GREM2: variants seen among roughly 807,000 people sequenced by gnomAD.
GREM2 encodes gremlin-2.
GREM2 carries 11 observed loss-of-function variants against 14.2 expected under a neutral mutation model. The ratio of observed to expected loss-of-function variants is 0.78; its 90% CI spans 0.49 to 1.28. The LOEUF is 1.28. Among genes scored for constraint, GREM2 ranks in the 50% most tolerant of loss-of-function variants. GREM2 has a pLI of 0.00. For missense variants in GREM2, 210 were observed against 218.5 expected (o/e 0.96, Z 0.24); for synonymous variants, 98 against 97.6 (o/e 1.00, Z -0.02).
chr1:240,594,143 C>T (rs1241946571), intron 1 of GREM2, among the ~76,000 whole-genome samples: 1 of 151,862 alleles, frequency 6.6e-6, no homozygotes, highest in African/African-American at 2.4e-5. Flanking sequence ...TTGTAGAGAT[C>T]GGGTCTTGCC....
At chr1:240,608,068 C>T (rs1172095361) in intron 1 of GREM2, among the ~76,000 whole-genome samples, 1 of 152,100 alleles carries the variant, frequency 6.6e-6, no homozygotes, top group Admixed American at 6.5e-5. Flanking sequence ...TGAATGCATG[C>T]CTGTAGGACT....
chr1:240,560,533 A>G (rs184250797), intron 1 of GREM2, among the ~76,000 whole-genome samples: 4 of 152,208 alleles, frequency 2.6e-5, no homozygotes, highest in African/African-American at 9.6e-5. Flanking sequence ...AACTGAATGA[A>G]GAGGACAGTT....
chr1:240,490,734 T>G lies in GREM2; in HGVS notation c.*2235A>C, dbSNP rs1384390343. ...GGTTCGAAGAGAGTGTGCTCGTGTT[T>G]GCATTCTGTAAGTTCTTAGCTTAAT... On this transcript the variant is annotated 3_prime_UTR_variant, in exon 2 of 2. Coordinates refer to ENST00000318160, the MANE Select transcript of GREM2 (RefSeq NM_022469.4). The G allele has an allele frequency of 6.6e-6, 1 of 152,228 alleles. No individual in the cohort carries two copies. Among genetic ancestry groups the G allele is most frequent in the Non-Finnish European group, 1.5e-5 (1 of 68,048 alleles). The allele number at this position is 152,228 out of a possible 1,614,324, so 9.4% of individuals were successfully genotyped here. A position where few individuals can be genotyped will look rare whatever the true frequency, so the allele number is the denominator to read the frequency against.
In GREM2 at chr1:240,540,093, C is replaced by A. The variant is rs1439794571; in HGVS notation, c.-1-46617G>T. On this transcript the variant is annotated intron_variant, in intron 1 of 1. Coordinates refer to ENST00000318160, the MANE Select transcript of GREM2 (RefSeq NM_022469.4). The surrounding 1 kb of genome is among the most constrained non-coding windows in gnomAD (Gnocchi z 4.2). ...CTGACAGCCACTCTGTTCCTATACC[C>A]CTGACTAAATTGCAGTTATGTCTTT... is the stretch of plus-strand genomic sequence containing the variant. Among the ~76,000 whole-genome samples the A allele has an allele frequency of 6.6e-6, 1 of 152,124 alleles. No homozygotes were observed. Among genetic ancestry groups the A allele is most frequent in the Admixed American group, 6.6e-5 (1 of 15,266 alleles).
chr1:240,602,800 C>T (rs547453041), intron 1 of GREM2, among the ~76,000 whole-genome samples: 15 of 136,676 alleles, frequency 1.1e-4, no homozygotes, highest in African/African-American at 3.1e-4. Context: ...GGTGACAGAG[C>T]GAGACTGATC....
At chr1:240,549,989 G>C (rs918598688) in intron 1 of GREM2, 1 of 152,148 alleles carries the variant, frequency 6.6e-6, no homozygotes, top group African/African-American at 2.4e-5. Flanking sequence ...TTTATTCGAG[G>C]GAATGCCATG....
chr1:240,574,386 G>C (rs970963978), intron 1 of GREM2, among the ~76,000 whole-genome samples: 1 of 152,042 alleles, frequency 6.6e-6, no homozygotes, highest in Admixed American at 6.5e-5. Flanking sequence ...CTTCTCTCAC[G>C]TGGCACATGT....
chr1:240,604,787 T>A (rs1410275185), intron 1 of GREM2, among the ~76,000 whole-genome samples: 1 of 152,158 alleles, frequency 6.6e-6, no homozygotes, highest in Non-Finnish European at 1.5e-5. Context: ...GTGAGACCCA[T>A]CTCTTTGTAA....
At chr1:240,544,640 C>CT (rs1404341675) in intron 1 of GREM2, among the ~76,000 whole-genome samples, 1 of 152,138 alleles carries the variant, frequency 6.6e-6, no homozygotes, top group Admixed American at 6.5e-5. Context: ...GATTTCATTC[C>CT]TCTGTTTTTA....
chr1:240,494,097 T>C (rs892532407), intron 1 of GREM2, among the ~76,000 whole-genome samples: 11 of 152,376 alleles, frequency 7.2e-5, no homozygotes, highest in African/African-American at 2.6e-4. Context: ...TTTGCAGAAG[T>C]ACCAATAATA....
intron 1 of GREM2, among the ~76,000 whole-genome samples, chr1:240,553,400 C>T (rs1409114772): frequency 6.6e-6 from 1 of 152,128 alleles, no homozygotes; most frequent in East Asian, 1.9e-4. Flanking sequence ...CCCTAAGAGT[C>T]AAGTTATACA....
chr1:240,503,228 CTT>C lies in GREM2; in HGVS notation c.-1-9754_-1-9753del, dbSNP rs532660000. ...GTTAAATTCTTTAGTATTTAAATCA[CTT>C]TTGCACAGCTACTGGAGAGTATCCC... On this transcript the variant is annotated intron_variant, in intron 1 of 1. Coordinates refer to ENST00000318160, the MANE Select transcript of GREM2 (RefSeq NM_022469.4). Among the ~76,000 whole-genome samples, 3 of 152,306 alleles carry C rather than the reference CTT, an allele frequency of 2.0e-5. No individual in the cohort carries two copies. In the South Asian group the frequency reaches 6.2e-4, roughly 32 times the overall value.
intron 1 of GREM2, among the ~76,000 whole-genome samples, chr1:240,545,796 G>T (rs11583177): frequency 0.26 from 39,190 of 152,112 alleles, 5,264 homozygotes; most frequent in East Asian, 0.38. Context: ...GACAGTCGAA[G>T]AGGAAGAGCA....
chr1:240,586,507 A>T lies in GREM2; in HGVS notation c.-2+25377T>A, dbSNP rs1222061943. On this transcript the variant is annotated intron_variant, in intron 1 of 1. Transcript: ENST00000318160. ...ATACTCCAAGTGCAGAAGCTTGTCC[A>T]GGACTAAGCTTATTAGCAGAGAAGA... Among the ~76,000 whole-genome samples, 4 of 152,322 alleles carry T rather than the reference A, an allele frequency of 2.6e-5. No individual in the cohort carries two copies. In the East Asian group the frequency reaches 7.7e-4, roughly 29 times the overall value.
At chr1:240,530,363 C>T (rs1678323917) in intron 1 of GREM2, 1 of 152,196 alleles carries the variant, frequency 6.6e-6, no homozygotes, top group Non-Finnish European at 1.5e-5. Flanking sequence ...ACCTGCCAGA[C>T]AAGCTGATTT....
intron 1 of GREM2, among the ~76,000 whole-genome samples, chr1:240,584,116 A>T (rs1055645860): frequency 2.0e-5 from 3 of 152,172 alleles, no homozygotes; most frequent in Non-Finnish European, 4.4e-5. Flanking sequence ...AGAAAAAAAA[A>T]GAAAGCAATG....
chr1:240,577,391 A>G (rs1679392962), intron 1 of GREM2, among the ~76,000 whole-genome samples: 1 of 152,232 alleles, frequency 6.6e-6, no homozygotes. Flanking sequence ...CTTCTTTACT[A>G]TAAACATAAC....
At chr1:240,600,222 C>CGAA (rs1553280353) in intron 1 of GREM2, among the ~76,000 whole-genome samples, 2 of 151,514 alleles carry the variant, frequency 1.3e-5, no homozygotes, top group African/African-American at 2.4e-5. Flanking sequence ...ATGTGTAAAA[C>CGAA]GAGATTACGT....
In GREM2 at chr1:240,543,486, A is replaced by G. The variant is rs535554129; in HGVS notation, c.-1-50010T>C. Among the ~76,000 whole-genome samples, 218 of 152,274 alleles carry G rather than the reference A, an allele frequency of 1.4e-3. No homozygotes were observed. Among genetic ancestry groups the G allele is most frequent in the Non-Finnish European group, 2.6e-3 (179 of 68,030 alleles). On this transcript the variant is annotated intron_variant, in intron 1 of 1. Coordinates refer to ENST00000318160, the MANE Select transcript of GREM2 (RefSeq NM_022469.4). The surrounding 1 kb of genome is among the most constrained non-coding windows in gnomAD (Gnocchi z 6.4). ...CTGGTGAGACTTATTCACTACCATG[A>G]TAACAGTAGGGGGGAAACCGCCCTT...
Sources: gnomAD v4.1 joint callset for allele counts (sites outside exome capture counted in the v4.1 genomes callset) on GRCh38, gnomAD v4.1.1 for gene constraint, Gnocchi (gnomAD v3.1) non-coding constraint, MANE v1.5 for transcripts, NCBI Gene and HGNC (gene_info 2026-07-23, HGNC 2026-07-21) for gene names.